Variants in CEP85L observed in about 807,000 individuals in gnomAD.
CEP85L encodes centrosomal protein 85L.
In CEP85L, 60 loss-of-function variants were observed where a neutral mutation model predicts 100.3. The observed-to-expected ratio is 0.60, with a 90% CI of 0.49 to 0.74. CEP85L has a LOEUF of 0.74. Ranked by LOEUF, CEP85L falls within the 30% of genes least tolerant of loss-of-function variation. The pLI is 0.00. For synonymous variants in CEP85L, 319 were observed against 322.7 expected (o/e 0.99, Z 0.12); for missense variants, 973 against 936.2 (o/e 1.04, Z -0.51).
Position 118,642,642 on chromosome 6 carries a change from G to A in CEP85L, c.73+8555C>T, listed in dbSNP as rs999770633. Among the ~76,000 whole-genome samples the A allele has an allele frequency of 7.2e-5, 11 of 152,112 alleles. No individual in the cohort carries two copies. In the South Asian group the frequency reaches 8.3e-4, roughly 11 times the overall value. ...TAATAGGCTTTCTTGGGTTGGGCACGGTGGTTCACATCTGTAACACCAGCA... is the reference window on the plus strand; with the variant it reads ...TAATAGGCTTTCTTGGGTTGGGCACAGTGGTTCACATCTGTAACACCAGCA... On this transcript the variant is annotated intron_variant, in intron 1 of 12. Coordinates refer to ENST00000368491, the MANE Select transcript of CEP85L (RefSeq NM_001042475.3).
chr6:118,575,684 C>T (rs1780183095), intron 2 of CEP85L, among the ~76,000 whole-genome samples: 1 of 152,206 alleles, frequency 6.6e-6, no homozygotes, highest in African/African-American at 2.4e-5. Flanking sequence ...GAAATACTGT[C>T]TCAGCTTCAT....
At position 118,568,894 on chromosome 6, in the gene CEP85L, T is replaced by C. The variant is rs150994887; in HGVS notation, c.233-2578A>G. ...TATTTTACATATATTTGTATTAATA[T>C]TACTAAAGGAGTAGTTATACTAAAA... is the stretch of plus-strand genomic sequence containing the variant. On this transcript the variant is annotated intron_variant, in intron 2 of 12. Coordinates refer to ENST00000368491, the MANE Select transcript of CEP85L (RefSeq NM_001042475.3). Among the ~76,000 whole-genome samples, 14 of 152,182 alleles carry C rather than the reference T, an allele frequency of 9.2e-5. No individual in the cohort carries two copies. The East Asian group carries it at 2.7e-3, about 29-fold the overall frequency.
At chr6:118,517,581 T>G (rs1776355591) in intron 4 of CEP85L, among the ~76,000 whole-genome samples, 1 of 152,246 alleles carries the variant, frequency 6.6e-6, no homozygotes, top group Non-Finnish European at 1.5e-5. Flanking sequence ...TTTTGCACAT[T>G]GATTTTGTAT....
chr6:118,570,794 T>C (rs890186892), intron 2 of CEP85L, among the ~76,000 whole-genome samples: 2 of 152,128 alleles, frequency 1.3e-5, no homozygotes, highest in Admixed American at 6.5e-5. Context: ...AGCTTAAATA[T>C]CCCAAGTTCA....
At chr6:118,513,990 G>T (rs963870795) in intron 4 of CEP85L, among the ~76,000 whole-genome samples, 2 of 151,968 alleles carry the variant, frequency 1.3e-5, no homozygotes, top group Admixed American at 1.3e-4. Context: ...CAGCTCAAAG[G>T]CTAGAAGAGA....
chr6:118,599,600 T>TA (rs1781620205), intron 2 of CEP85L, among the ~76,000 whole-genome samples: 1 of 152,118 alleles, frequency 6.6e-6, no homozygotes, highest in South Asian at 2.1e-4. Flanking sequence ...TTCCAAAAAA[T>TA]AGAGTATGAT....
At chr6:118,646,584 G>A (rs1019910033) in intron 1 of CEP85L, among the ~76,000 whole-genome samples, 2 of 151,692 alleles carry the variant, frequency 1.3e-5, no homozygotes, top group East Asian at 3.9e-4. Context: ...TAGGAGAATC[G>A]CTTGAACCCC....
intron 3 of CEP85L, among the ~76,000 whole-genome samples, chr6:118,561,653 GAATA>G (rs1779230504): frequency 6.6e-6 from 1 of 152,010 alleles, no homozygotes; most frequent in African/African-American, 2.4e-5. Context: ...AATTGGTTAA[GAATA>G]TATATTTGTT....
At chr6:118,551,145 C>T (rs1410362544) in intron 3 of CEP85L, among the ~76,000 whole-genome samples, 2 of 151,784 alleles carry the variant, frequency 1.3e-5, no homozygotes, top group African/African-American at 2.4e-5. Flanking sequence ...ATTCTAGGTT[C>T]CCTAGAATCA....
In CEP85L at chr6:118,532,128, G is replaced by A. The variant is rs374616524; in HGVS notation, c.1021-8208C>T. 8.5e-5 allele frequency among the ~76,000 whole-genome samples: 13 copies of A among 152,160 alleles called. No individual in the cohort carries two copies. In the East Asian group the frequency reaches 1.5e-3, roughly 18 times the overall value. ...GCCCATCAACAGTAGACTGGATAAA[G>A]AAAATGTGGTACTATGTATATACAT... On this transcript the variant is annotated intron_variant, in intron 3 of 12. Transcript: ENST00000368491.
intron 2 of CEP85L, among the ~76,000 whole-genome samples, chr6:118,627,503 C>T (rs1773878718): frequency 6.6e-6 from 1 of 152,202 alleles, no homozygotes; most frequent in African/African-American, 2.4e-5. Flanking sequence ...ATGGCAAATG[C>T]ATAGAATACT....
intron 10 of CEP85L, among the ~76,000 whole-genome samples, chr6:118,476,589 C>A (rs1038689917): frequency 2.0e-5 from 3 of 152,088 alleles, no homozygotes; most frequent in Admixed American, 1.3e-4. Context: ...TCCATTTTCC[C>A]ACTATTTCTA....
At chr6:118,611,868 TA>T (rs2115230950) in intron 2 of CEP85L, among the ~76,000 whole-genome samples, 1 of 151,048 alleles carries the variant, frequency 6.6e-6, no homozygotes, top group South Asian at 2.1e-4. Context: ...AACACAGAAA[TA>T]AAAAAATACA....
chr6:118,601,828 C>G (rs2115179727), intron 2 of CEP85L, among the ~76,000 whole-genome samples: 1 of 152,154 alleles, frequency 6.6e-6, no homozygotes, highest in East Asian at 1.9e-4. Flanking sequence ...AGAGGTAAAT[C>G]TCGTCGCCAT....
chr6:118,654,208 T>A (rs1775695562), upstream of CEP85L, among the ~76,000 whole-genome samples: 1 of 151,954 alleles, frequency 6.6e-6, no homozygotes, highest in Admixed American at 6.6e-5. Context: ...AGCCCAGGAG[T>A]TGGAGGCTGT....
intron 2 of CEP85L, among the ~76,000 whole-genome samples, chr6:118,619,009 C>T (rs774746689): frequency 7.9e-5 from 12 of 151,706 alleles, no homozygotes; most frequent in African/African-American, 1.5e-4. Context: ...TCCATTCTGC[C>T]GGTAAGCGTG....
chr6:118,687,816 G>T (rs956232398), intron 1 of CEP85L, among the ~76,000 whole-genome samples: 5 of 152,158 alleles, frequency 3.3e-5, no homozygotes, highest in Non-Finnish European at 5.9e-5. Flanking sequence ...TCCAGATCTG[G>T]CAGGGCACCT....
At chr6:118,664,958 CTAAG>C (rs1310188110) in intron 1 of CEP85L, among the ~76,000 whole-genome samples, 1 of 152,178 alleles carries the variant, frequency 6.6e-6, no homozygotes, top group East Asian at 1.9e-4. Flanking sequence ...CAGGCATTCT[CTAAG>C]GCATGAACAT....
chr6:118,567,205 ATGTATGTG>A (rs1428212629), intron 2 of CEP85L, among the ~76,000 whole-genome samples: 5 of 77,236 alleles, frequency 6.5e-5, no homozygotes, highest in South Asian at 1.2e-3. Flanking sequence ...ATGAATATAT[ATGTATGTG>A]TGTGTGTGTG....
Sources: gnomAD v4.1 joint callset for allele counts (sites outside exome capture counted in the v4.1 genomes callset) on GRCh38, gnomAD v4.1.1 for gene constraint, MANE v1.5 for transcripts, NCBI Gene and HGNC (gene_info 2026-07-23, HGNC 2026-07-21) for gene names.